KIF3C: variants seen among roughly 807,000 people sequenced by gnomAD.
KIF3C encodes kinesin family member 3C.
In KIF3C, 12 loss-of-function variants were observed where a neutral mutation model predicts 67.7. The ratio of observed to expected loss-of-function variants is 0.18; its 90% CI spans 0.11 to 0.29. The LOEUF is 0.29. Among genes scored for constraint, KIF3C ranks in the 10% least tolerant of loss-of-function variants. KIF3C has a pLI of 1.00. For synonymous variants in KIF3C, 393 were observed against 426.2 expected (o/e 0.92, Z 0.96); for missense variants, 789 against 1,059.6 (o/e 0.74, Z 3.55).
chr2:25,970,574 G>A (rs1664253219), intron 1 of KIF3C, among the ~76,000 whole-genome samples: 1 of 144,978 alleles, frequency 6.9e-6, no homozygotes, highest in Non-Finnish European at 1.5e-5. Context: ...GGCTGAGACA[G>A]AAGAATTGGT....
Position 25,926,608 on chromosome 2 carries a change from T to C in KIF3C, c.*2370A>G, listed in dbSNP as rs1287714469. 6.6e-6 allele frequency: 1 copy of C among 152,210 alleles called. No individual in the cohort carries two copies. Among genetic ancestry groups the C allele is most frequent in the East Asian group, 1.9e-4 (1 of 5,192 alleles). 9.4% of individuals were successfully genotyped at this position (152,210 alleles called of 1,614,324 possible). A position where few individuals can be genotyped will look rare whatever the true frequency, so the allele number is the denominator to read the frequency against. ...AGTAAGGCAGTCAACTCCGTGACGA[T>C]ACTCATTCCTTTATTGTCAACTGCA... is the stretch of plus-strand genomic sequence containing the variant. On this transcript the variant is annotated 3_prime_UTR_variant, in exon 8 of 8. Transcript: ENST00000264712.
intron 5 of KIF3C, among the ~76,000 whole-genome samples, chr2:25,932,303 A>G (rs2090467297): frequency 6.6e-6 from 1 of 150,678 alleles, no homozygotes; most frequent in African/African-American, 2.4e-5. Flanking sequence ...CCTGGCCGGT[A>G]ATTTTTAACT....
chr2:25,934,443 G>A (rs930668625), intron 5 of KIF3C, among the ~76,000 whole-genome samples: 13 of 152,022 alleles, frequency 8.6e-5, no homozygotes, highest in Non-Finnish European at 1.5e-4. Context: ...GCCAGGGGTG[G>A]TGATGCATGC....
In KIF3C at chr2:25,982,448, T is replaced by A. The variant is rs879587426; in HGVS notation, c.-531A>T. The A allele has an allele frequency of 1.3e-5, 5 of 398,680 alleles. No homozygotes were observed. In the Admixed American group the frequency reaches 2.2e-4, roughly 18 times the overall value. The allele number at this position is 398,680 out of a possible 1,614,324, so 24.7% of individuals were successfully genotyped here. ...TGCAGCCAGCGCGGCTGCTGCTGCC[T>A]CTGCCTCCGCCTTCCCCGCCGCCGC... On this transcript the variant is annotated 5_prime_UTR_variant, in exon 1 of 8. Coordinates refer to ENST00000264712, the MANE Select transcript of KIF3C (RefSeq NM_002254.8).
At position 25,929,054 on chromosome 2, in the gene KIF3C, C is replaced by T. The variant is rs370755153; in HGVS notation, c.2306G>A (p.Arg769Gln). Residue 769 changes from arginine to glutamine, a missense_variant, in exon 8 of 8, where the codon CGG becomes CAG. By Grantham distance (43) the Arg-to-Gln change is conservative. Transcript: ENST00000264712. ...KSRSWCQSPQRPPPSTTHASL... is the reference protein window; with the variant it reads ...KSRSWCQSPQQPPPSTTHASL... ...GGCATGTGTGGTGGAAGGTGGAGGC[C>T]GCTGAGGACTCTGGCACCTGCAGGG... 68 of 1,613,528 alleles carry T rather than the reference C, an allele frequency of 4.2e-5. 1 individual carries two copies. The highest frequency in any genetic ancestry group is 2.3e-4 in the South Asian group (21 of 91,064).
intron 5 of KIF3C, among the ~76,000 whole-genome samples, chr2:25,930,983 G>A (rs1335721782): frequency 6.6e-6 from 1 of 151,978 alleles, no homozygotes; most frequent in Non-Finnish European, 1.5e-5. Flanking sequence ...ACTGCACCCA[G>A]CCTTATTAGA....
chr2:25,933,794 A>G (rs771360284), intron 5 of KIF3C, among the ~76,000 whole-genome samples: 1 of 152,182 alleles, frequency 6.6e-6, no homozygotes, highest in Non-Finnish European at 1.5e-5. Context: ...ACCCTCATAC[A>G]CTATTAGTGA....
At position 25,962,802 on chromosome 2, in the gene KIF3C, AATATATAAT is replaced by A. The variant is rs1280130293; in HGVS notation, c.1546-6367_1546-6359del. ...GTTATATATATAATATATATTATAT[AATATATAAT>A]ATATATAATATATAAAATATATAAA... On this transcript the variant is annotated intron_variant, in intron 1 of 7. Coordinates refer to ENST00000264712, the MANE Select transcript of KIF3C (RefSeq NM_002254.8). Among the ~76,000 whole-genome samples, 30 of 89,614 alleles carry A rather than the reference AATATATAAT, an allele frequency of 3.3e-4. 1 individual carries two copies. Among genetic ancestry groups the A allele is most frequent in the Admixed American group, 1.3e-3 (7 of 5,318 alleles). The allele number at this position is 89,614 out of a possible 152,430, so 58.8% of individuals were successfully genotyped here.
chr2:25,981,944 G>A lies in KIF3C; in HGVS notation c.-27C>T, dbSNP rs757782078. ...TTGCTGCTCTGACCTTCCTGCCCCC[G>A]AGCCCCTCCGCAGCCTGGGCGGTCC... On this transcript the variant is annotated 5_prime_UTR_variant, in exon 1 of 8. Transcript: ENST00000264712. This position sits in a 1 kb window ranked among gnomAD's most constrained non-coding sequence, Gnocchi z 8.2. 5 of 1,504,958 alleles carry A rather than the reference G, an allele frequency of 3.3e-6. No homozygotes were observed. The highest frequency in any genetic ancestry group is 1.3e-5 in the South Asian group (1 of 77,316). 93.2% of individuals were successfully genotyped at this position (1,504,958 alleles called of 1,614,324 possible).
Position 25,966,527 on chromosome 2 carries a change from A to G in KIF3C, c.1546-10083T>C, listed in dbSNP as rs115102418. Among the ~76,000 whole-genome samples the G allele has an allele frequency of 6.3e-3, 964 of 152,332 alleles. 9 individuals carry two copies. The highest frequency in any genetic ancestry group is 0.022 in the African/African-American group (924 of 41,568). The stretch of plus-strand genomic sequence containing the variant: ...TGACAACAGCCAGGTCACTACAGGG[A>G]CAATGCCAGCTTGTAGACACAGCCG... On this transcript the variant is annotated intron_variant, in intron 1 of 7. Coordinates refer to ENST00000264712, the MANE Select transcript of KIF3C (RefSeq NM_002254.8).
intron 5 of KIF3C, among the ~76,000 whole-genome samples, chr2:25,945,805 T>C (rs1663417692): frequency 6.6e-6 from 1 of 151,984 alleles, no homozygotes; most frequent in South Asian, 2.1e-4. Context: ...ACTATGGAGG[T>C]AAATTTAAAG....
chr2:25,945,792 A>C (rs1249609746), intron 5 of KIF3C, among the ~76,000 whole-genome samples: 2 of 144,768 alleles, frequency 1.4e-5, no homozygotes, highest in Non-Finnish European at 2.9e-5. Context: ...AATACAACTT[A>C]ACACTATGGA....
chr2:25,933,068 T>C (rs2149221923), intron 5 of KIF3C, among the ~76,000 whole-genome samples: 1 of 152,040 alleles, frequency 6.6e-6, no homozygotes, highest in Middle Eastern at 3.4e-3. Context: ...CTGGGCAACA[T>C]GGTGAAACCC....
chr2:25,944,502 T>C (rs1220869498), intron 5 of KIF3C, among the ~76,000 whole-genome samples: 1 of 151,964 alleles, frequency 6.6e-6, no homozygotes, highest in Non-Finnish European at 1.5e-5. Context: ...AGGCATGTGC[T>C]AATGCCTGGC....
intron 1 of KIF3C, among the ~76,000 whole-genome samples, chr2:25,963,857 T>A (rs1332027504): frequency 6.6e-6 from 1 of 151,926 alleles, no homozygotes; most frequent in Non-Finnish European, 1.5e-5. Flanking sequence ...CACACCTGGC[T>A]AATTTTTGTA....
At chr2:25,942,336 C>T (rs570115230) in intron 5 of KIF3C, among the ~76,000 whole-genome samples, 76 of 151,822 alleles carry the variant, frequency 5.0e-4, no homozygotes, top group African/African-American at 1.8e-3. Flanking sequence ...CCAGCTTAGG[C>T]GACGGTCTAT....
chr2:25,944,048 T>C (rs1663362458), intron 5 of KIF3C, among the ~76,000 whole-genome samples: 1 of 151,672 alleles, frequency 6.6e-6, no homozygotes, highest in South Asian at 2.1e-4. Context: ...TATTTCTTTC[T>C]TTCTTTTTTT....
rs1376714420 is a variant in KIF3C at position 25,962,944 on chromosome 2, A to AAT, written c.1546-6502_1546-6501dup. On this transcript the variant is annotated intron_variant, in intron 1 of 7. Transcript: ENST00000264712. ...ATAATATATAATACATATAATATAT[A>AAT]ATATATAATATATAATATATATAAT... Among the ~76,000 whole-genome samples, 34 of 30,090 alleles carry AAT rather than the reference A, an allele frequency of 1.1e-3. 1 individual carries two copies. The highest frequency in any genetic ancestry group is 2.7e-3 in the African/African-American group (9 of 3,310). The allele number at this position is 30,090 out of a possible 152,430, so 19.7% of individuals were successfully genotyped here.
At chr2:25,938,336 C>A in intron 5 of KIF3C, 1 of 410,234 alleles carries the variant, frequency 2.4e-6, no homozygotes, top group Admixed American at 3.0e-5. Context: ...TCAGCCTGGG[C>A]GACAGAGTGA....
Sources: allele counts gnomAD v4.1 joint callset (sites outside exome capture counted in the v4.1 genomes callset), GRCh38; gene constraint gnomAD v4.1.1; non-coding constraint Gnocchi (gnomAD v3.1); transcripts MANE v1.5; gene names NCBI Gene and HGNC (gene_info 2026-07-23, HGNC 2026-07-21).